The following RARB variants were observed in gnomAD, a reference collection of about 807,000 sequenced individuals.
RARB encodes HBV-activated protein.
A neutral mutation model predicts 51.9 loss-of-function variants in RARB; 17 were observed. The observed-to-expected ratio is 0.33, with a 90% CI of 0.22 to 0.49. RARB has a LOEUF of 0.49. RARB is among the 20% of genes least tolerant of loss of function. The pLI is 0.99. For missense variants in RARB, 369 were observed against 550.8 expected (o/e 0.67, Z 3.30); for synonymous variants, 215 against 195.4 (o/e 1.10, Z -0.84).
chr3:25,428,279 G>C lies in RARB; in HGVS notation c.-453G>C. 8.1e-7 allele frequency: 1 copy of C among 1,235,020 alleles called. No individual in the cohort carries two copies. Among genetic ancestry groups the C allele is most frequent in the African/African-American group, 1.5e-5 (1 of 64,566 alleles). The allele number at this position is 1,235,020 out of a possible 1,614,324, so 76.5% of individuals were successfully genotyped here. A position where few individuals can be genotyped will look rare whatever the true frequency, so the allele number is the denominator to read the frequency against. On this transcript the variant is annotated 5_prime_UTR_variant, in exon 1 of 8. Transcript: ENST00000330688. The stretch of plus-strand genomic sequence containing the variant: ...TCATTCTGTGTGACAGAAGTAGTAG[G>C]AAGTGAGCTGTTCAGAGGCAGGAGG...
chr3:25,458,277 T>G (rs1695011039), intron 1 of RARB: 1 of 152,160 alleles, frequency 6.6e-6, no homozygotes, highest in East Asian at 1.9e-4. Flanking sequence ...TTAAACAAAG[T>G]CCTCAGCAGT....
At chr3:25,471,187 G>T (rs1047734550) in intron 2 of RARB, among the ~76,000 whole-genome samples, 2 of 152,162 alleles carry the variant, frequency 1.3e-5, no homozygotes, top group African/African-American at 4.8e-5. Context: ...GGTGACCAAA[G>T]TCTAGCTCAT....
chr3:25,361,561 A>C (rs1705934999), intron 5 of RARB, among the ~76,000 whole-genome samples: 1 of 152,114 alleles, frequency 6.6e-6, no homozygotes, highest in Non-Finnish European at 1.5e-5. Flanking sequence ...GAGAGGAGGC[A>C]TTCTGGTTTC....
chr3:25,174,729 A>T, intron 5 of RARB: 2 of 607,768 alleles, frequency 3.3e-6, no homozygotes, highest in Non-Finnish European at 4.1e-6. Flanking sequence ...GTGGAAAGAG[A>T]TATGATTTGA....
chr3:25,540,245 T>A (rs1013288894), intron 3 of RARB, among the ~76,000 whole-genome samples: 1 of 152,240 alleles, frequency 6.6e-6, no homozygotes, highest in Non-Finnish European at 1.5e-5. Flanking sequence ...CTGTAATATC[T>A]GCTTCGTGAT....
At chr3:25,174,727 A>G (rs1003001334) in intron 5 of RARB, 7 of 615,882 alleles carry the variant, frequency 1.1e-5, no homozygotes, top group African/African-American at 2.0e-5. Context: ...CTGTGGAAAG[A>G]GATATGATTT....
intron 2 of RARB, among the ~76,000 whole-genome samples, chr3:25,496,896 C>A (rs1697061632): frequency 6.6e-6 from 1 of 152,058 alleles, no homozygotes; most frequent in East Asian, 1.9e-4. Flanking sequence ...TGTTTGTTTG[C>A]TTTTTGAGAC....
rs148523169 is a variant in RARB, at chr3:25,572,368, A to G, written c.609+2450A>G. Among the ~76,000 whole-genome samples the G allele has an allele frequency of 2.4e-3, 367 of 152,330 alleles. 1 individual carries two copies. The highest frequency in any genetic ancestry group is 8.6e-3 in the African/African-American group (357 of 41,570). ...TGTACTAGGGACCATGCTAAGTACT[A>G]TAAGTATACTAATTCTTTTATTCCT... On this transcript the variant is annotated intron_variant, in intron 4 of 7. Transcript: ENST00000330688.
At chr3:25,403,540 T>G (rs1020284133) in intron 5 of RARB, among the ~76,000 whole-genome samples, 1 of 152,306 alleles carries the variant, frequency 6.6e-6, no homozygotes, top group South Asian at 2.1e-4. Flanking sequence ...GACCTCAACT[T>G]TGCCTTTAAA....
At chr3:24,893,200 G>C (rs1381440315) in intron 2 of RARB, among the ~76,000 whole-genome samples, 1 of 152,184 alleles carries the variant, frequency 6.6e-6, no homozygotes, top group Non-Finnish European at 1.5e-5. Flanking sequence ...AAACCATGTT[G>C]GGAGATTGTG....
chr3:24,989,008 T>G (rs1432750461), intron 2 of RARB, among the ~76,000 whole-genome samples: 1 of 152,154 alleles, frequency 6.6e-6, no homozygotes, highest in African/African-American at 2.4e-5. Flanking sequence ...GTATTTTTAT[T>G]AGAGACAGGG....
rs1413986594 is a variant in RARB at position 24,990,149 on chromosome 3, ATTGT to A, written c.-379-69973_-379-69970del. 9.3e-5 allele frequency among the ~76,000 whole-genome samples: 9 copies of A among 96,904 alleles called. 2 individuals are homozygous for A. Among genetic ancestry groups the A allele is most frequent in the Admixed American group, 3.9e-4 (3 of 7,698 alleles). 63.6% of individuals were successfully genotyped at this position (96,904 alleles called of 152,430 possible). A position where few individuals can be genotyped will look rare whatever the true frequency, so the allele number is the denominator to read the frequency against. On this transcript the variant is annotated intron_variant, in intron 2 of 11. Transcript: ENST00000383772. ...TCTTTTTTTTTTTTGTTATTTCACT[ATTGT>A]TTATTTTCTTTTTTTCTTCTTCTTT...
chr3:25,132,716 A>G (rs1699972540), intron 4 of RARB, among the ~76,000 whole-genome samples: 1 of 151,960 alleles, frequency 6.6e-6, no homozygotes, highest in African/African-American at 2.4e-5. Context: ...TAGCTAAAAT[A>G]ATGGCTTTTA....
intron 4 of RARB, among the ~76,000 whole-genome samples, chr3:25,139,162 C>T (rs1023019097): frequency 6.6e-6 from 1 of 152,022 alleles, no homozygotes; most frequent in Non-Finnish European, 1.5e-5. Flanking sequence ...CACAACAATA[C>T]TGAAATTAGG....
At chr3:25,408,528 G>C (rs1293087255) in intron 5 of RARB, among the ~76,000 whole-genome samples, 1 of 152,078 alleles carries the variant, frequency 6.6e-6, no homozygotes, top group East Asian at 1.9e-4. Flanking sequence ...TCTAATTAGG[G>C]TGGGGACACA....
intron 3 of RARB, among the ~76,000 whole-genome samples, chr3:25,119,674 A>C (rs1160161020): frequency 6.8e-6 from 1 of 147,426 alleles, no homozygotes; most frequent in Non-Finnish European, 1.5e-5. Context: ...AAAAAACAAC[A>C]ACAAAAAAAA....
intron 5 of RARB, among the ~76,000 whole-genome samples, chr3:25,205,927 A>G (rs1701532015): frequency 6.6e-6 from 1 of 152,046 alleles, no homozygotes; most frequent in South Asian, 2.1e-4. Flanking sequence ...TTCTTCTACA[A>G]AAACAACTTT....
At chr3:25,554,746 T>C (rs1699987648) in intron 3 of RARB, among the ~76,000 whole-genome samples, 1 of 152,160 alleles carries the variant, frequency 6.6e-6, no homozygotes, top group Non-Finnish European at 1.5e-5. Context: ...GAAAAGGAAT[T>C]TCTTTCTTAC....
intron 5 of RARB, among the ~76,000 whole-genome samples, chr3:25,334,297 G>C (rs528393624): frequency 7.7e-4 from 117 of 152,228 alleles, no homozygotes; most frequent in Non-Finnish European, 1.6e-3. Flanking sequence ...ATTAATGATA[G>C]ACCGGATTAA....
Sources: gnomAD v4.1 joint callset for allele counts (sites outside exome capture counted in the v4.1 genomes callset) on GRCh38, gnomAD v4.1.1 for gene constraint, MANE v1.5 for transcripts, NCBI Gene and HGNC (gene_info 2026-07-23, HGNC 2026-07-21) for gene names.